Variants in AGBL4 observed in about 807,000 individuals in gnomAD.
AGBL4 encodes the protein AGBL carboxypeptidase 4, also known as cytosolic carboxypeptidase 6.
AGBL4 carries 58 observed loss-of-function variants against 66.4 expected under a neutral mutation model. That is an observed-to-expected ratio of 0.87 (90% CI 0.71 to 1.09). The LOEUF is 1.09. Among genes scored for constraint, AGBL4 ranks in the 50% least tolerant of loss-of-function variants. The pLI is 0.00. For synonymous variants in AGBL4, 234 were observed against 222.9 expected (o/e 1.05, Z -0.44); for missense variants, 579 against 631.0 (o/e 0.92, Z 0.88).
At chr1:48,776,273 A>G (rs889902361) in intron 6 of AGBL4, among the ~76,000 whole-genome samples, 4 of 152,244 alleles carry the variant, frequency 2.6e-5, no homozygotes, top group African/African-American at 9.6e-5. Flanking sequence ...ATGACGGTAC[A>G]AACAGGTAGG....
At chr1:49,846,076 G>A (rs1646134656) in intron 2 of AGBL4, 1 of 1,565,090 alleles carries the variant, frequency 6.4e-7, no homozygotes, top group South Asian at 1.1e-5. Flanking sequence ...ACACAGGAGA[G>A]AAACCCTATG....
chr1:48,821,467 T>C (rs142082991), intron 6 of AGBL4, among the ~76,000 whole-genome samples: 365 of 152,292 alleles, frequency 2.4e-3, no homozygotes, highest in African/African-American at 8.1e-3. Flanking sequence ...CTGGAGACCA[T>C]ATTCCTAAGT....
the AGBL4 span, among the ~76,000 whole-genome samples, chr1:48,524,387 G>A: frequency 6.6e-6 from 1 of 152,174 alleles, no homozygotes; most frequent in Non-Finnish European, 1.5e-5. Flanking sequence ...AAGATCACCT[G>A]GAGACAGAGT....
At chr1:48,987,672 T>A (rs774362620) in intron 5 of AGBL4, among the ~76,000 whole-genome samples, 2 of 152,112 alleles carry the variant, frequency 1.3e-5, no homozygotes, top group Non-Finnish European at 2.9e-5. Flanking sequence ...TTGACACTTA[T>A]AGAACATTCC....
At chr1:49,121,722 G>C (rs545444860) in intron 4 of AGBL4, among the ~76,000 whole-genome samples, 1 of 152,348 alleles carries the variant, frequency 6.6e-6, no homozygotes, top group East Asian at 1.9e-4. Flanking sequence ...CATGCTGGGA[G>C]AACCACTGCT....
intron 3 of AGBL4, among the ~76,000 whole-genome samples, chr1:49,548,545 T>G (rs1329058768): frequency 6.6e-6 from 1 of 152,256 alleles, no homozygotes; most frequent in Non-Finnish European, 1.5e-5. Flanking sequence ...ATGTGATTTT[T>G]GTTTTTAATT....
At chr1:48,887,246 G>C (rs371911855) in intron 5 of AGBL4, among the ~76,000 whole-genome samples, 1 of 152,102 alleles carries the variant, frequency 6.6e-6, no homozygotes, top group African/African-American at 2.4e-5. Flanking sequence ...AGGTGGTCTT[G>C]CTAAGGGCAT....
intron 11 of AGBL4, among the ~76,000 whole-genome samples, chr1:48,562,192 T>A (rs1644406998): frequency 6.6e-6 from 1 of 152,244 alleles, no homozygotes; most frequent in African/African-American, 2.4e-5. Flanking sequence ...TTTCATTTCC[T>A]ATATTCTTGG....
rs1324596146 is a variant in AGBL4 at position 48,704,111 on chromosome 1, A to G, written c.635-40870T>C. ...GGGAAATTGTAACTCAATGGAAAGT[A>G]TTTATGTATCTAAGCATATCTACAC... On this transcript the variant is annotated intron_variant, in intron 6 of 13. Transcript: ENST00000371839. 3.3e-5 allele frequency among the ~76,000 whole-genome samples: 5 copies of G among 152,316 alleles called. No homozygotes were observed. In the East Asian group the frequency reaches 9.6e-4, roughly 29 times the overall value.
intron 6 of AGBL4, among the ~76,000 whole-genome samples, chr1:48,788,864 T>C (rs969006180): frequency 3.3e-5 from 5 of 152,196 alleles, no homozygotes; most frequent in Admixed American, 1.3e-4. Flanking sequence ...GACAGACAGT[T>C]TCCCCCATTT....
chr1:49,635,052 G>C (rs574735597), intron 3 of AGBL4, among the ~76,000 whole-genome samples: 14 of 152,148 alleles, frequency 9.2e-5, no homozygotes, highest in Admixed American at 2.0e-4. Flanking sequence ...TAAAGATCAG[G>C]CTTAGCCCAA....
At chr1:49,746,222 C>T (rs1232322194) in intron 2 of AGBL4, among the ~76,000 whole-genome samples, 3 of 151,852 alleles carry the variant, frequency 2.0e-5, no homozygotes, top group African/African-American at 7.2e-5. Flanking sequence ...TATTTAATTA[C>T]GTTGAACTGA....
chr1:49,830,888 T>A (rs1645653820), intron 2 of AGBL4, among the ~76,000 whole-genome samples: 1 of 152,206 alleles, frequency 6.6e-6, no homozygotes, highest in Admixed American at 6.5e-5. Flanking sequence ...TGCTTGTTTT[T>A]CTCAGGTTTG....
chr1:49,262,924 G>A (rs1370311513), intron 3 of AGBL4, among the ~76,000 whole-genome samples: 2 of 152,208 alleles, frequency 1.3e-5, no homozygotes, highest in Non-Finnish European at 2.9e-5. Context: ...AACAATGATA[G>A]ACTGGATTAA....
At chr1:48,903,428 T>G (rs1652283992) in intron 5 of AGBL4, among the ~76,000 whole-genome samples, 1 of 152,258 alleles carries the variant, frequency 6.6e-6, no homozygotes, top group Admixed American at 6.5e-5. Flanking sequence ...TATTTGCTTG[T>G]AGACTTGGCC....
chr1:49,538,451 G>A (rs763305918), intron 3 of AGBL4, among the ~76,000 whole-genome samples: 37 of 152,234 alleles, frequency 2.4e-4, no homozygotes, highest in Non-Finnish European at 3.5e-4. Context: ...TTGGGGTGAC[G>A]GATACAATAA....
chr1:48,696,856 A>G (rs1452854161), intron 6 of AGBL4, among the ~76,000 whole-genome samples: 8 of 152,132 alleles, frequency 5.3e-5, no homozygotes, highest in South Asian at 2.1e-4. Flanking sequence ...TAGCCCTTGA[A>G]ATATCTTAGC....
At chr1:49,112,526 T>A (rs148880355) in intron 4 of AGBL4, among the ~76,000 whole-genome samples, 8 of 152,366 alleles carry the variant, frequency 5.3e-5, no homozygotes, top group Non-Finnish European at 8.8e-5. Flanking sequence ...CATGCGATAC[T>A]GTTTGACAGC....
At chr1:49,739,735 G>C (rs1235129388) in intron 2 of AGBL4, among the ~76,000 whole-genome samples, 2 of 152,180 alleles carry the variant, frequency 1.3e-5, no homozygotes, top group South Asian at 2.1e-4. Flanking sequence ...AGAAGAGAGT[G>C]GGGGCCAATA....
Sources: allele counts gnomAD v4.1 joint callset (sites outside exome capture counted in the v4.1 genomes callset), GRCh38; gene constraint gnomAD v4.1.1; transcripts MANE v1.5; gene names NCBI Gene and HGNC (gene_info 2026-07-23, HGNC 2026-07-21).